Variants in CHML observed in about 807,000 individuals in gnomAD.
CHML encodes rab proteins geranylgeranyltransferase component A 2.
A neutral mutation model predicts 30.4 loss-of-function variants in CHML; 20 were observed. That is an observed-to-expected ratio of 0.66 (90% CI 0.46 to 0.95). The LOEUF is 0.95. CHML is among the 40% of genes least tolerant of loss of function. The pLI is 0.00. For missense variants in CHML, 795 were observed against 768.5 expected, an observed-to-expected ratio of 1.03 and a Z score of -0.41; for synonymous variants, 281 against 275.0, an observed-to-expected ratio of 1.02 and a Z score of -0.22.
chr1:241,630,413 C>A lies in CHML; in HGVS notation c.*3383G>T, dbSNP rs919116915. ...TCTCATATATATTAATAACCAAACA[C>A]ACTTTTTAAATTGCAGTTTGTCACT... On this transcript the variant is annotated 3_prime_UTR_variant, in exon 2 of 2. Transcript: ENST00000366553. The A allele has an allele frequency of 6.6e-6, 1 of 152,046 alleles. No individual in the cohort carries two copies. The highest frequency in any genetic ancestry group is 1.5e-5 in the Non-Finnish European group (1 of 67,924). 9.4% of individuals were successfully genotyped at this position (152,046 alleles called of 1,614,324 possible).
Position 241,635,544 on chromosome 1 carries a change from C to T in CHML, c.223G>A (p.Val75Ile), listed in dbSNP as rs1558448280. Reference sequence around the variant, plus strand: ...GTTTCATGGATCAGGTCCTGCCATACAACAGTACTTTCTTCCCCAATGTCA... The same window carrying T: ...GTTTCATGGATCAGGTCCTGCCATATAACAGTACTTTCTTCCCCAATGTCA... ...NNDIGEESTVVWQDLIHETEE... is the reference protein window; with the variant it reads ...NNDIGEESTVIWQDLIHETEE... Residue 75 changes from valine (V) to isoleucine (I), a missense_variant, in exon 2 of 2, where the codon GTA (valine) becomes ATA (isoleucine). Transcript: ENST00000366553. 3 of 1,614,076 alleles carry T rather than the reference C, an allele frequency of 1.9e-6. No individual in the cohort carries two copies. In the South Asian group the frequency reaches 3.3e-5, roughly 18 times the overall value.
In CHML at chr1:241,630,056, T is replaced by TG. The variant is rs1175430536; in HGVS notation, c.*3739dup. On this transcript the variant is annotated 3_prime_UTR_variant, in exon 2 of 2. Transcript: ENST00000366553. ...TAAATTTCATACTAATGTCACATAT[T>TG]GGCATTTCTTTGGATGTAGCTTTAT... 2.0e-5 allele frequency: 3 copies of TG among 152,122 alleles called. No homozygotes were observed. Among genetic ancestry groups the TG allele is most frequent in the African/African-American group, 7.2e-5 (3 of 41,454 alleles). The allele number at this position is 152,122 out of a possible 1,614,324, so 9.4% of individuals were successfully genotyped here.
At chr1:241,636,753 G>A (rs1664914407) in intron 1 of CHML, among the ~76,000 whole-genome samples, 1 of 152,022 alleles carries the variant, frequency 6.6e-6, no homozygotes, top group Non-Finnish European at 1.5e-5. Context: ...GTGTGTAAGT[G>A]TAAGTAAAAA....
Position 241,635,433 on chromosome 1 carries a change from T to C in CHML, c.334A>G (p.Asn112Asp). 6.2e-7 allele frequency: 1 copy of C among 1,614,024 alleles called. No individual in the cohort carries two copies. The highest frequency in any genetic ancestry group is 2.2e-5 in the East Asian group (1 of 44,886). Residue 112 changes from asparagine (N) to aspartate (D), a missense_variant, in exon 2 of 2, where the codon AAC becomes GAC. Transcript: ENST00000366553. ...TGCAGAGCACCAATCTCTTCAACGT[T>C]GTCCTCCATATCCTGACTGGCGTAG... ...FCYASQDMED[N>D]VEEIGALQKN...
In CHML at chr1:241,629,172, T is replaced by C. The variant is rs1268045469; in HGVS notation, c.*4624A>G. On this transcript the variant is annotated 3_prime_UTR_variant, in exon 2 of 2. Transcript: ENST00000366553. ...GTTGGGCTTTTTTCCCCCTTAAAGT[T>C]ATCTGAGTGGAACTGCTAGAAAACT... 1 of 152,382 alleles carries C rather than the reference T, an allele frequency of 6.6e-6. No individual in the cohort carries two copies. Among genetic ancestry groups the C allele is most frequent in the Non-Finnish European group, 1.5e-5 (1 of 67,998 alleles). 9.4% of individuals were successfully genotyped at this position (152,382 alleles called of 1,614,324 possible).
Position 241,635,837 on chromosome 1 carries a change from T to G in CHML, c.-71A>C, listed in dbSNP as rs1441031809. ...GAGGTGTGATTATGCTGTAATAAAA[T>G]CTGTCCTTCTGATGTTCCAGTTATC... is the stretch of plus-strand genomic sequence containing the variant. On this transcript the variant is annotated 5_prime_UTR_variant, in exon 2 of 2. Coordinates refer to ENST00000366553, the MANE Select transcript of CHML (RefSeq NM_001381853.1). The G allele has an allele frequency of 6.9e-7, 1 of 1,439,928 alleles. No homozygotes were observed. Among genetic ancestry groups the G allele is most frequent in the Non-Finnish European group, 9.4e-7 (1 of 1,059,244 alleles). The allele number at this position is 1,439,928 out of a possible 1,614,324, so 89.2% of individuals were successfully genotyped here.
At chr1:241,638,262 TGAA>T (rs1325403109) in intron 1 of CHML, among the ~76,000 whole-genome samples, 1 of 151,802 alleles carries the variant, frequency 6.6e-6, no homozygotes, top group Non-Finnish European at 1.5e-5. Flanking sequence ...GGAGGGATGG[TGAA>T]GAAGAAAAAC....
intron 1 of CHML, among the ~76,000 whole-genome samples, chr1:241,639,515 CT>C (rs1190822198): frequency 6.6e-6 from 1 of 152,024 alleles, no homozygotes; most frequent in Non-Finnish European, 1.5e-5. Flanking sequence ...GCCCTCGTCT[CT>C]TTCCTCAAAG....
intron 1 of CHML, among the ~76,000 whole-genome samples, chr1:241,639,666 C>A (rs538415461): frequency 7.6e-6 from 1 of 131,316 alleles, no homozygotes; most frequent in African/African-American, 2.9e-5. Context: ...CAGCGTGGGG[C>A]GGGAGGGGAC....
Position 241,635,166 on chromosome 1 carries a change from T to A in CHML, c.601A>T (p.Ser201Cys). The A allele has an allele frequency of 6.2e-7, 1 of 1,613,038 alleles. No homozygotes were observed. The highest frequency in any genetic ancestry group is 1.7e-5 in the Admixed American group (1 of 60,024). Reference protein sequence around the residue: ...VSDKDGDKDESKSTVEDKADE... With the variant: ...VSDKDGDKDECKSTVEDKADE... The stretch of plus-strand genomic sequence containing the variant: ...GCCTTATCTTCTACTGTAGATTTGC[T>A]TTCATCTTTATCTCCATCTTTATCT... The change falls in exon 2 of 2, where the codon AGC (serine) becomes TGC (cysteine). Residue 201 changes from serine (S) to cysteine (C), a missense_variant. Transcript: ENST00000366553.
At position 241,640,354 on chromosome 1, in the gene CHML, C is replaced by G. The variant is rs908649840; in HGVS notation, c.-780G>C. 1.9e-6 allele frequency: 2 copies of G among 1,058,370 alleles called. No individual in the cohort carries two copies. The highest frequency in any genetic ancestry group is 2.3e-6 in the Non-Finnish European group (2 of 879,010). 65.6% of individuals were successfully genotyped at this position (1,058,370 alleles called of 1,614,324 possible). ...TGGGGTTGGGGCTCCGCCGCCTGCT[C>G]TAGCCATTGTGCACTGAGGGGCCCG... On this transcript the variant is annotated 5_prime_UTR_variant, in exon 1 of 2. Transcript: ENST00000366553.
chr1:241,630,835 A>T lies in CHML; in HGVS notation c.*2961T>A, dbSNP rs530819991. 1 of 152,198 alleles carries T rather than the reference A, an allele frequency of 6.6e-6. No individual in the cohort carries two copies. Among genetic ancestry groups the T allele is most frequent in the East Asian group, 1.9e-4 (1 of 5,188 alleles). 9.4% of individuals were successfully genotyped at this position (152,198 alleles called of 1,614,324 possible). On this transcript the variant is annotated 3_prime_UTR_variant, in exon 2 of 2. Coordinates refer to ENST00000366553, the MANE Select transcript of CHML (RefSeq NM_001381853.1). ...TGTAATTAATACTTTGGATTTTACTATTTGTTCTTTTGATGCTGATTTAAT... is the reference window on the plus strand; with the variant it reads ...TGTAATTAATACTTTGGATTTTACTTTTTGTTCTTTTGATGCTGATTTAAT...
rs1664542622 is a variant in CHML at position 241,629,669 on chromosome 1, C to T, written c.*4127G>A. The T allele has an allele frequency of 1.3e-5, 2 of 152,178 alleles. No homozygotes were observed. Among genetic ancestry groups the T allele is most frequent in the Admixed American group, 1.3e-4 (2 of 15,288 alleles). The allele number at this position is 152,178 out of a possible 1,614,324, so 9.4% of individuals were successfully genotyped here. On this transcript the variant is annotated 3_prime_UTR_variant, in exon 2 of 2. Coordinates refer to ENST00000366553, the MANE Select transcript of CHML (RefSeq NM_001381853.1). Reference sequence around the variant, plus strand: ...ATTGCCATGAAGTTCCTTTATACCACTATTGGTGTGAGACTTGTAGTATTT... The same window carrying T: ...ATTGCCATGAAGTTCCTTTATACCATTATTGGTGTGAGACTTGTAGTATTT...
chr1:241,639,177 G>C (rs1451387395), intron 1 of CHML: 1 of 152,170 alleles, frequency 6.6e-6, no homozygotes, highest in Non-Finnish European at 1.5e-5. Context: ...TACAGTATTT[G>C]TTCACCTGAG....
intron 1 of CHML, among the ~76,000 whole-genome samples, chr1:241,637,005 G>A (rs567993634): frequency 6.6e-6 from 1 of 152,250 alleles, no homozygotes; most frequent in African/African-American, 2.4e-5. Context: ...GCATAATGCT[G>A]GTTACATTCC....
intron 1 of CHML, among the ~76,000 whole-genome samples, chr1:241,637,922 T>C (rs1328173976): frequency 1.3e-5 from 2 of 152,192 alleles, no homozygotes; most frequent in Admixed American, 1.3e-4. Context: ...TCCCCTTCAA[T>C]ACTCCACTGT....
chr1:241,640,046 T>C lies in CHML; in HGVS notation c.-472A>G. The C allele has an allele frequency of 6.2e-7, 1 of 1,612,898 alleles. No homozygotes were observed. The highest frequency in any genetic ancestry group is 8.5e-7 in the Non-Finnish European group (1 of 1,179,534). On this transcript the variant is annotated 5_prime_UTR_variant, in exon 1 of 2. Transcript: ENST00000366553. ...GAGGTGAGTGGGAGTGCGGAGCCGC[T>C]GGAACTTGTAGTAGAGGACGAGCAC...
chr1:241,635,447 T>G lies in CHML; in HGVS notation c.320A>C (p.Gln107Pro), dbSNP rs148182268. ...CTCTTCAACGTTGTCCTCCATATCCTGACTGGCGTAGCAAAAAGCTTCTGT... is the reference window on the plus strand; with the variant it reads ...CTCTTCAACGTTGTCCTCCATATCCGGACTGGCGTAGCAAAAAGCTTCTGT... ...QHTEAFCYAS[Q>P]DMEDNVEEIG... Residue 107 changes from glutamine to proline, a missense_variant, in exon 2 of 2, where the codon CAG becomes CCG. By Grantham distance (76) the Gln-to-Pro change is moderately conservative (BLOSUM62 -1). Coordinates refer to ENST00000366553, the MANE Select transcript of CHML (RefSeq NM_001381853.1). 3 of 1,613,808 alleles carry G rather than the reference T, an allele frequency of 1.9e-6. No homozygotes were observed. Among genetic ancestry groups the G allele is most frequent in the African/African-American group, 1.3e-5 (1 of 74,930 alleles).
rs570648518 is a variant in CHML, at chr1:241,639,825, C to CG, written c.-308+56dup. On this transcript the variant is annotated intron_variant, in intron 1 of 1. Transcript: ENST00000366553. Reference sequence around the variant, plus strand: ...GGGGGCGGACGCACGGAGCGGGCAGCGGGGTGGGGAGTGGAAGTTTGCAGA... The same window carrying CG: ...GGGGGCGGACGCACGGAGCGGGCAGCGGGGGTGGGGAGTGGAAGTTTGCAGA... 337 of 1,333,268 alleles carry CG rather than the reference C, an allele frequency of 2.5e-4. 1 individual carries two copies. The African/African-American group carries it at 5.6e-3, about 22-fold the overall frequency. The allele number at this position is 1,333,268 out of a possible 1,614,324, so 82.6% of individuals were successfully genotyped here.
Sources: gnomAD v4.1 joint callset for allele counts (sites outside exome capture counted in the v4.1 genomes callset) on GRCh38, gnomAD v4.1.1 for gene constraint, MANE v1.5 for transcripts, NCBI Gene and HGNC (gene_info 2026-07-23, HGNC 2026-07-21) for gene names.